TNFSF4: variants seen among roughly 807,000 people sequenced by gnomAD.
TNFSF4 encodes the protein tumor necrosis factor ligand superfamily member 4.
Under a neutral mutation model 7.3 loss-of-function variants are expected in TNFSF4, and 4 were observed. The observed-to-expected ratio is 0.55, with a 90% CI of 0.27 to 1.25. The LOEUF (loss-of-function observed/expected upper bound fraction) is 1.25. TNFSF4 is among the 50% of genes most tolerant of loss of function. The pLI, the probability that TNFSF4 is intolerant of heterozygous loss-of-function variation, is 0.12. For synonymous variants in TNFSF4, 76 were observed against 83.7 expected, an observed-to-expected ratio of 0.91 and a Z score of 0.50; for missense variants, 181 against 208.8, an observed-to-expected ratio of 0.87 and a Z score of 0.82.
the TNFSF4 span, among the ~76,000 whole-genome samples, chr1:173,262,748 G>A: frequency 1.3e-4 from 20 of 151,868 alleles, no homozygotes; most frequent in South Asian, 4.2e-4. Context: ...GACTACAGGC[G>A]CCTGCCACCG....
the TNFSF4 span, among the ~76,000 whole-genome samples, chr1:173,373,149 T>C: frequency 6.6e-6 from 1 of 152,136 alleles, no homozygotes; most frequent in African/African-American, 2.4e-5. Flanking sequence ...AGAAAGGGAG[T>C]TCCTAACCTC....
chr1:173,390,068 C>A, the TNFSF4 span, among the ~76,000 whole-genome samples: 2 of 151,990 alleles, frequency 1.3e-5, no homozygotes, highest in Non-Finnish European at 1.5e-5. Context: ...TACCAGATGT[C>A]CAAATATTTA....
chr1:173,398,482 T>C, the TNFSF4 span, among the ~76,000 whole-genome samples: 1 of 146,382 alleles, frequency 6.8e-6, no homozygotes, highest in Non-Finnish European at 1.5e-5. Flanking sequence ...TAGAGTACAG[T>C]GGCGTGATCT....
the TNFSF4 span, among the ~76,000 whole-genome samples, chr1:173,402,032 A>C: frequency 6.6e-6 from 1 of 152,210 alleles, no homozygotes; most frequent in South Asian, 2.1e-4. Context: ...TATGTCTTCA[A>C]AATTCATGGC....
At chr1:173,427,953 CTT>C in the TNFSF4 span, among the ~76,000 whole-genome samples, 23,190 of 133,594 alleles carry the variant, frequency 0.17, 2,301 homozygotes, top group African/African-American at 0.31. Flanking sequence ...CCATTATAAT[CTT>C]TTTTTTTTTT....
chr1:173,193,091 C>G (rs555488234), intron 1 of TNFSF4, among the ~76,000 whole-genome samples: 6 of 152,250 alleles, frequency 3.9e-5, no homozygotes, highest in Middle Eastern at 3.4e-3. Context: ...CTCTGACTCC[C>G]TGTACCTCAG....
the TNFSF4 span, among the ~76,000 whole-genome samples, chr1:173,289,550 A>C: frequency 6.6e-6 from 1 of 152,202 alleles, no homozygotes; most frequent in South Asian, 2.1e-4. Context: ...AGACATGCAA[A>C]TATGAGAGAA....
the TNFSF4 span, among the ~76,000 whole-genome samples, chr1:173,268,649 A>G: frequency 1.3e-5 from 2 of 152,158 alleles, no homozygotes; most frequent in Non-Finnish European, 2.9e-5. Context: ...TGGACAGAAA[A>G]CAAATAATAA....
At chr1:173,269,671 A>T in the TNFSF4 span, among the ~76,000 whole-genome samples, 1 of 152,144 alleles carries the variant, frequency 6.6e-6, no homozygotes, top group Admixed American at 6.6e-5. Context: ...CCTGGGTGGG[A>T]TGGTGAAATA....
the TNFSF4 span, among the ~76,000 whole-genome samples, chr1:173,291,022 T>C: frequency 1.3e-5 from 2 of 152,322 alleles, no homozygotes; most frequent in Non-Finnish European, 2.9e-5. Flanking sequence ...AGTTCATTCA[T>C]GCATTGCTAT....
At chr1:173,374,917 T>TACTACC in the TNFSF4 span, among the ~76,000 whole-genome samples, 6 of 152,176 alleles carry the variant, frequency 3.9e-5, no homozygotes, top group Non-Finnish European at 5.9e-5. Flanking sequence ...CTCATTATCC[T>TACTACC]ACTACCACAT....
chr1:173,186,906 G>A (rs567375273), intron 2 of TNFSF4, 41 bp from the exon 3 acceptor site: 1 of 1,382,122 alleles, frequency 7.2e-7, no homozygotes, highest in South Asian at 1.4e-5. Context: ...TAATTCCTAA[G>A]CATAGAATTG....
chr1:173,223,484 G>A, the TNFSF4 span, among the ~76,000 whole-genome samples: 33 of 151,790 alleles, frequency 2.2e-4, no homozygotes, highest in Admixed American at 3.9e-4. Flanking sequence ...AAAATAGTGA[G>A]GGAAACCATT....
At chr1:173,343,703 T>C in the TNFSF4 span, among the ~76,000 whole-genome samples, 4 of 152,202 alleles carry the variant, frequency 2.6e-5, no homozygotes, top group African/African-American at 9.7e-5. Flanking sequence ...TTACACACTG[T>C]ATTCTGATAA....
chr1:173,413,107 T>C, the TNFSF4 span, among the ~76,000 whole-genome samples: 1 of 151,826 alleles, frequency 6.6e-6, no homozygotes, highest in Non-Finnish European at 1.5e-5. Context: ...TTGCAGAAGA[T>C]GAGGAAAAAG....
chr1:173,360,715 G>A, the TNFSF4 span, among the ~76,000 whole-genome samples: 3 of 152,216 alleles, frequency 2.0e-5, no homozygotes, highest in Non-Finnish European at 4.4e-5. Flanking sequence ...GGGGCCCCTT[G>A]TGGAAAAGAA....
the TNFSF4 span, among the ~76,000 whole-genome samples, chr1:173,354,818 T>C: frequency 2.0e-5 from 3 of 152,246 alleles, 1 homozygote; most frequent in Non-Finnish European, 4.4e-5. Flanking sequence ...ACCATATCTA[T>C]CTTTTATTCT....
chr1:173,233,920 T>G, the TNFSF4 span, among the ~76,000 whole-genome samples: 3 of 152,100 alleles, frequency 2.0e-5, no homozygotes, highest in Non-Finnish European at 2.9e-5. Flanking sequence ...CTAAAAGCAA[T>G]GGCAACAAAA....
At chr1:173,239,023 C>T in the TNFSF4 span, among the ~76,000 whole-genome samples, 2 of 152,194 alleles carry the variant, frequency 1.3e-5, no homozygotes, top group Non-Finnish European at 2.9e-5. Flanking sequence ...TTAAGCTTCC[C>T]TGAGCCTGTT....
Sources: gnomAD v4.1 joint callset for allele counts (sites outside exome capture counted in the v4.1 genomes callset) on GRCh38, gnomAD v4.1.1 for gene constraint, MANE v1.5 for transcripts, NCBI Gene and HGNC (gene_info 2026-07-23, HGNC 2026-07-21) for gene names.